The following BMP2K variants were observed in gnomAD, a reference collection of about 807,000 sequenced individuals.
The protein encoded by BMP2K is BMP2 inducible kinase.
Under a neutral mutation model 116.0 loss-of-function variants are expected in BMP2K, and 74 were observed. That is an observed-to-expected ratio of 0.64 (90% CI 0.53 to 0.77). The LOEUF (loss-of-function observed/expected upper bound fraction) is 0.77, where lower values mean the gene tolerates loss of function less well. Among genes scored for constraint, BMP2K ranks in the 30% least tolerant of loss-of-function variants. BMP2K has a pLI of 0.00. For missense variants in BMP2K, 1,365 were observed against 1,403.6 expected, an observed-to-expected ratio of 0.97 and a Z score of 0.44; for synonymous variants, 486 against 502.5, an observed-to-expected ratio of 0.97 and a Z score of 0.44.
chr4:78,890,404 G>GCGCA (rs1553920701), intron 15 of BMP2K, among the ~76,000 whole-genome samples: 2 of 147,968 alleles, frequency 1.4e-5, no homozygotes, highest in African/African-American at 4.9e-5. Flanking sequence ...ACAATCATGC[G>GCGCA]CACACACACA....
In BMP2K at chr4:78,911,569, T is replaced by C; in HGVS notation, c.3022T>C (p.Leu1008=). ...HGTPTSTKKT[L]KPTYRTPERA... ...CACGCCAACTAGCACAAAGAAGACT[T>C]TGAAGCCTACCTATCGCACTCCAGA... Residue 1008 remains leucine, a synonymous_variant, in exon 16 of 16, where the codon TTG becomes CTG. Transcript: ENST00000502613. 10 of 1,613,924 alleles carry C rather than the reference T, an allele frequency of 6.2e-6. No individual in the cohort carries two copies. The highest frequency in any genetic ancestry group is 7.6e-6 in the Non-Finnish European group (9 of 1,179,868).
chr4:78,838,694 G>A (rs1730611647), intron 3 of BMP2K, among the ~76,000 whole-genome samples: 1 of 152,116 alleles, frequency 6.6e-6, no homozygotes, highest in South Asian at 2.1e-4. Context: ...TACAGTTCAG[G>A]GACATTGGCT....
intron 1 of BMP2K, among the ~76,000 whole-genome samples, chr4:78,793,405 G>A (rs1378890233): frequency 6.2e-5 from 8 of 129,126 alleles, no homozygotes; most frequent in East Asian, 2.4e-4. Flanking sequence ...GTGAGACTCC[G>A]TCTCAAAAAA....
intron 13 of BMP2K, among the ~76,000 whole-genome samples, chr4:78,875,791 A>T (rs1180066293): frequency 6.6e-6 from 1 of 152,222 alleles, no homozygotes; most frequent in African/African-American, 2.4e-5. Context: ...GGATTTCTTC[A>T]AAAGACTGCT....
intron 2 of BMP2K, among the ~76,000 whole-genome samples, chr4:78,832,237 A>G (rs1730242409): frequency 6.6e-6 from 1 of 152,048 alleles, no homozygotes; most frequent in Admixed American, 6.6e-5. Flanking sequence ...TTGCTGGGTT[A>G]TATGTACTTT....
In BMP2K at chr4:78,888,825, C is replaced by G. The variant is rs769067298; in HGVS notation, c.2062+1541C>G. Reference sequence around the variant, plus strand: ...TCTTTGAATCCTGCCCAGTATACAACCCAGTAGGTACCTAATACTGTTCAT... The same window carrying G: ...TCTTTGAATCCTGCCCAGTATACAAGCCAGTAGGTACCTAATACTGTTCAT... On this transcript the variant is annotated intron_variant, in intron 15 of 15. Coordinates refer to ENST00000502613, the MANE Select transcript of BMP2K (RefSeq NM_198892.2). Among the ~76,000 whole-genome samples, 44 of 152,200 alleles carry G rather than the reference C, an allele frequency of 2.9e-4. 1 individual carries two copies. The highest frequency in any genetic ancestry group is 3.4e-3 in the Middle Eastern group (1 of 294).
intron 1 of BMP2K, among the ~76,000 whole-genome samples, chr4:78,814,377 G>T (rs1028797797): frequency 1.3e-5 from 2 of 151,926 alleles, no homozygotes; most frequent in African/African-American, 4.8e-5. Context: ...TAAAACATTA[G>T]CCTGTTGATA....
At chr4:78,887,402 T>C in intron 15 of BMP2K, 118 bp downstream of exon 15, 1 of 754,898 alleles carries the variant, frequency 1.3e-6, no homozygotes. Flanking sequence ...GTAGAAAATA[T>C]TTTAACCTTT....
chr4:78,792,676 A>T lies in BMP2K; in HGVS notation c.178+15955A>T, dbSNP rs547117408. The stretch of plus-strand genomic sequence containing the variant: ...TGAACAAATGTGATTTTTTTTTTTT[A>T]AATTCTGTAATGGAATATCTGTATA... On this transcript the variant is annotated intron_variant, in intron 1 of 15. Transcript: ENST00000502613. 5.8e-3 allele frequency among the ~76,000 whole-genome samples: 877 copies of T among 151,512 alleles called. 6 individuals are homozygous for T. The highest frequency in any genetic ancestry group is 0.02 in the African/African-American group (827 of 41,366).
At position 78,913,071 on chromosome 4, in the gene BMP2K, G is replaced by T. The variant is rs1215189132; in HGVS notation, c.*1038G>T. 6.6e-6 allele frequency: 1 copy of T among 152,162 alleles called. No homozygotes were observed. Among genetic ancestry groups the T allele is most frequent in the African/African-American group, 2.4e-5 (1 of 41,442 alleles). 9.4% of individuals were successfully genotyped at this position (152,162 alleles called of 1,614,324 possible). A position where few individuals can be genotyped will look rare whatever the true frequency, so the allele number is the denominator to read the frequency against. ...GTGAAATCATGTTGCATTTAACAAT[G>T]TACTTTATTAGCAACTTCACCAAAT... On this transcript the variant is annotated 3_prime_UTR_variant, in exon 16 of 16. Transcript: ENST00000502613.
chr4:78,856,587 A>G (rs1024991325), intron 7 of BMP2K, among the ~76,000 whole-genome samples: 3 of 152,000 alleles, frequency 2.0e-5, no homozygotes, highest in African/African-American at 7.3e-5. Flanking sequence ...GCCAAGTTCT[A>G]CCTGTGGGTT....
chr4:78,819,851 C>T, intron 1 of BMP2K, among the ~76,000 whole-genome samples: 1 of 152,140 alleles, frequency 6.6e-6, no homozygotes, highest in South Asian at 2.1e-4. Flanking sequence ...AAACCTCCAA[C>T]CCCCATAATA....
intron 1 of BMP2K, among the ~76,000 whole-genome samples, chr4:78,811,814 T>C (rs1560510609): frequency 6.6e-6 from 1 of 152,204 alleles, no homozygotes; most frequent in Non-Finnish European, 1.5e-5. Context: ...TGACCCATCA[T>C]GTATTGGCTT....
intron 1 of BMP2K, among the ~76,000 whole-genome samples, chr4:78,823,512 A>C: frequency 6.8e-6 from 1 of 147,716 alleles, no homozygotes; most frequent in South Asian, 2.1e-4. Context: ...AGTTATATAT[A>C]GTTATATATA....
At chr4:78,850,196 T>C (rs1000236413) in intron 6 of BMP2K, among the ~76,000 whole-genome samples, 1 of 151,832 alleles carries the variant, frequency 6.6e-6, no homozygotes, top group Non-Finnish European at 1.5e-5. Context: ...GCACCTTAGC[T>C]AGAAATTTCC....
chr4:78,891,310 C>T (rs1201162638), intron 15 of BMP2K, among the ~76,000 whole-genome samples: 1 of 152,000 alleles, frequency 6.6e-6, no homozygotes, highest in African/African-American at 2.4e-5. Context: ...TCCTCCTTAC[C>T]CCACCATGGA....
Position 78,909,334 on chromosome 4 carries a change from C to T in BMP2K, c.2063-1276C>T, listed in dbSNP as rs113794472. ...TACAGGGGTGAGCCACCGCACCCAGCCCCCTTAGTGTTTTTCTATAGAGCA... is the reference window on the plus strand; with the variant it reads ...TACAGGGGTGAGCCACCGCACCCAGTCCCCTTAGTGTTTTTCTATAGAGCA... On this transcript the variant is annotated intron_variant, in intron 15 of 15. Transcript: ENST00000502613. 2.8e-3 allele frequency among the ~76,000 whole-genome samples: 419 copies of T among 149,472 alleles called. 2 individuals carry two copies. The highest frequency in any genetic ancestry group is 4.5e-3 in the Non-Finnish European group (302 of 67,390).
At position 78,869,423 on chromosome 4, in the gene BMP2K, C is replaced by T. The variant is rs577186597; in HGVS notation, c.1232-1360C>T. 7.9e-4 allele frequency among the ~76,000 whole-genome samples: 120 copies of T among 152,068 alleles called. 1 individual carries two copies. The highest frequency in any genetic ancestry group is 2.7e-3 in the African/African-American group (112 of 41,478). On this transcript the variant is annotated intron_variant, in intron 10 of 15. Coordinates refer to ENST00000502613, the MANE Select transcript of BMP2K (RefSeq NM_198892.2). ...TTTACTGAAGGATATAAAATTTTAG[C>T]TAGATAGGAAGAATAAATCCTAGCA...
Position 78,842,449 on chromosome 4 carries a change from A to G in BMP2K, c.468A>G (p.Leu156=). 1 of 1,609,224 alleles carries G rather than the reference A, an allele frequency of 6.2e-7. No individual in the cohort carries two copies. The highest frequency in any genetic ancestry group is 8.5e-7 in the Non-Finnish European group (1 of 1,176,512). Residue 156 remains leucine, a synonymous_variant, in exon 4 of 16, where the codon TTA becomes TTG. Transcript: ENST00000502613. The part of the protein sequence containing the change: ...LQTGFTEPEV[L]QIFCDTCEAV... ...CGGGTTTTACAGAACCAGAAGTGTT[A>G]CAGATATTCTGTGATACCTGTGAAG...
Sources: allele counts gnomAD v4.1 joint callset (sites outside exome capture counted in the v4.1 genomes callset), GRCh38; gene constraint gnomAD v4.1.1; transcripts MANE v1.5; gene names NCBI Gene and HGNC (gene_info 2026-07-23, HGNC 2026-07-21).